ADGRB1: variants seen among roughly 807,000 people sequenced by gnomAD.
ADGRB1 encodes brain-specific angiogenesis inhibitor 1.
A neutral mutation model predicts 175.7 loss-of-function variants in ADGRB1; 36 were observed. That is an observed-to-expected ratio of 0.20 (90% CI 0.16 to 0.27). The LOEUF (loss-of-function observed/expected upper bound fraction) is 0.27, where lower values mean the gene tolerates loss of function less well. Ranked by LOEUF, ADGRB1 falls within the 10% of genes least tolerant of loss-of-function variation. The pLI is 1.00. For synonymous variants in ADGRB1, 1,054 were observed against 979.4 expected (o/e 1.08, Z -1.42); for missense variants, 1,731 against 2,255.3 (o/e 0.77, Z 4.71).
chr8:142,504,741 G>A lies in ADGRB1; in HGVS notation c.2676-6191G>A, dbSNP rs1467695639. On this transcript the variant is annotated intron_variant, in intron 17 of 30. Transcript: ENST00000517894. The surrounding 1 kb of genome is among the most constrained non-coding windows in gnomAD (Gnocchi z 5.6). ...AAGGGGCTTGTACCTAGGGGTGATC[G>A]AGCCGCGTGTTGGTTTAAGGGGCAC... Among the ~76,000 whole-genome samples, 2 of 152,020 alleles carry A rather than the reference G, an allele frequency of 1.3e-5. No individual in the cohort carries two copies. The highest frequency in any genetic ancestry group is 2.4e-5 in the African/African-American group (1 of 41,366).
chr8:142,460,182 C>T (rs920287078), intron 1 of ADGRB1, among the ~76,000 whole-genome samples: 30 of 152,322 alleles, frequency 2.0e-4, no homozygotes, highest in African/African-American at 5.5e-4. Context: ...GGGGTGGCCC[C>T]GTTGGAGGGT....
rs1843029424 is a variant in ADGRB1, at chr8:142,510,472, G to A, written c.2676-460G>A. 1.3e-5 allele frequency among the ~76,000 whole-genome samples: 2 copies of A among 151,490 alleles called. No homozygotes were observed. Among genetic ancestry groups the A allele is most frequent in the South Asian group, 4.2e-4 (2 of 4,778 alleles). On this transcript the variant is annotated intron_variant, in intron 17 of 30. Transcript: ENST00000517894. The surrounding 1 kb of genome is among the most constrained non-coding windows in gnomAD (Gnocchi z 6.3). ...CGGACCCTCGCCGCGCTCCGAACCC[G>A]CCCCGCGCCCCCAGGCCACACCCGG...
intron 9 of ADGRB1, 59 bp from the exon 10 acceptor site, chr8:142,481,195 G>A: frequency 6.6e-7 from 1 of 1,517,756 alleles, no homozygotes; most frequent in Non-Finnish European, 9.1e-7. Context: ...CAGGGGCCAA[G>A]GGTGGGATTC....
chr8:142,533,327 C>A lies in ADGRB1; in HGVS notation c.3431C>A (p.Pro1144Gln). The A allele has an allele frequency of 6.4e-7, 1 of 1,573,430 alleles. No homozygotes were observed. The highest frequency in any genetic ancestry group is 2.3e-5 in the East Asian group (1 of 43,242). ...ASLWSSCVVL[P>Q]LLALTWMSAV... ...CTGTGGAGCTCCTGCGTGGTGCTGC[C>A]GCTGCTGGCGCTGACCTGGATGTCG... is the stretch of plus-strand genomic sequence containing the variant. The change falls in exon 25 of 31, where the codon CCG becomes CAG. Residue 1144 changes from proline to glutamine, a missense_variant. Around this residue, in one of 8 missense-constraint regions of ADGRB1, gnomAD observed 301 missense variants for 488.4 expected, o/e 0.62. Coordinates refer to ENST00000517894, the MANE Select transcript of ADGRB1 (RefSeq NM_001702.3).
At chr8:142,471,129 G>C (rs1489679420) in intron 2 of ADGRB1, among the ~76,000 whole-genome samples, 3 of 152,268 alleles carry the variant, frequency 2.0e-5, no homozygotes, top group Middle Eastern at 3.4e-3. Context: ...CACTCTTTTT[G>C]CACAAGGGCC....
Position 142,510,476 on chromosome 8 carries a change from CG to C in ADGRB1, c.2676-455del, listed in dbSNP as rs1332349169. On this transcript the variant is annotated intron_variant, in intron 17 of 30. Coordinates refer to ENST00000517894, the MANE Select transcript of ADGRB1 (RefSeq NM_001702.3). The surrounding 1 kb of genome is among the most constrained non-coding windows in gnomAD (Gnocchi z 6.3). The stretch of plus-strand genomic sequence containing the variant: ...CCCTCGCCGCGCTCCGAACCCGCCC[CG>C]CGCCCCCAGGCCACACCCGGCTCGC... Among the ~76,000 whole-genome samples the C allele has an allele frequency of 1.5e-4, 23 of 151,500 alleles. No individual in the cohort carries two copies. The highest frequency in any genetic ancestry group is 1.4e-3 in the Admixed American group (22 of 15,246).
At position 142,524,140 on chromosome 8, in the gene ADGRB1, G is replaced by A. The variant is rs565076750; in HGVS notation, c.3246-98G>A. ...GCTTAATAAGTGCCAGTTTTCTTCT[G>A]CCACTTCCCAGCTCACCCCTACTCC... On this transcript the variant is annotated intron_variant, in intron 22 of 30. Transcript: ENST00000517894. 89 of 1,354,658 alleles carry A rather than the reference G, an allele frequency of 6.6e-5. No individual in the cohort carries two copies. The African/African-American group carries it at 1.2e-3, about 19-fold the overall frequency. 83.9% of individuals were successfully genotyped at this position (1,354,658 alleles called of 1,614,324 possible).
intron 17 of ADGRB1, among the ~76,000 whole-genome samples, chr8:142,501,672 T>G (rs1259502769): frequency 0.016 from 458 of 29,074 alleles, no homozygotes; most frequent in Middle Eastern, 0.045. Context: ...GGTAGTGATG[T>G]TTGTGTGGTT....
intron 1 of ADGRB1, 51 bp from the exon 2 acceptor site, chr8:142,463,929 G>C (rs900741130): frequency 3.1e-6 from 1 of 319,572 alleles, no homozygotes; most frequent in African/African-American, 2.2e-5. Flanking sequence ...CATGCCCAGA[G>C]CCCACGTCTC....
Position 142,544,478 on chromosome 8 carries a change from G to C in ADGRB1, c.*61G>C, listed in dbSNP as rs1299295144. 7.1e-7 allele frequency: 1 copy of C among 1,412,980 alleles called. No individual in the cohort carries two copies. The highest frequency in any genetic ancestry group is 2.7e-5 in the East Asian group (1 of 36,762). 87.5% of individuals were successfully genotyped at this position (1,412,980 alleles called of 1,614,324 possible). ...GAGGGATGCTGCTCCGCCCGCTCCT[G>C]CCGCAGACGGGCACAGACACGCTCG... is the stretch of plus-strand genomic sequence containing the variant. On this transcript the variant is annotated 3_prime_UTR_variant, in exon 31 of 31. Transcript: ENST00000517894.
At chr8:142,538,233 C>T (rs779648837) in intron 26 of ADGRB1, among the ~76,000 whole-genome samples, 5 of 152,194 alleles carry the variant, frequency 3.3e-5, no homozygotes, top group Non-Finnish European at 5.9e-5. Flanking sequence ...GGCTGGTGCG[C>T]GGGAGGTGCT....
intron 17 of ADGRB1, among the ~76,000 whole-genome samples, chr8:142,496,935 G>T (rs1036018280): frequency 1.3e-5 from 2 of 152,188 alleles, no homozygotes; most frequent in Non-Finnish European, 2.9e-5. Flanking sequence ...AACTTTGCTG[G>T]CTCTCAGAAC....
rs1376594391 is a variant in ADGRB1 at position 142,542,654 on chromosome 8, G to A, written c.4413+7G>A. On this transcript the variant is annotated splice_region_variant and intron_variant, in intron 28 of 30. Transcript: ENST00000517894. The surrounding 1 kb of genome is among the most constrained non-coding windows in gnomAD (Gnocchi z 6.3). ...GTCTGTGAGCTCCCTGGAGGTGAGG[G>A]GGGCAGGGGTGGGCCACACCCCAGC... 1.9e-6 allele frequency: 3 copies of A among 1,542,176 alleles called. No homozygotes were observed. The highest frequency in any genetic ancestry group is 2.6e-6 in the Non-Finnish European group (3 of 1,143,838).
At chr8:142,489,782 G>A (rs1349533075) in intron 16 of ADGRB1, among the ~76,000 whole-genome samples, 1 of 152,162 alleles carries the variant, frequency 6.6e-6, no homozygotes, top group Non-Finnish European at 1.5e-5. Context: ...CCACCAAGAA[G>A]CTGGGGGTGT....
intron 11 of ADGRB1, among the ~76,000 whole-genome samples, chr8:142,482,041 G>GGCTGAGCCCTGGCCCTGGTCACAT (rs1841368960): frequency 7.5e-6 from 1 of 133,488 alleles, no homozygotes; most frequent in African/African-American, 2.8e-5. Flanking sequence ...CCTGATCATA[G>GGCTGAGCCCTGGCCCTGGTCACAT]GCTGAGCCCT....
intron 13 of ADGRB1, among the ~76,000 whole-genome samples, chr8:142,485,786 C>A (rs1371450890): frequency 1.3e-5 from 2 of 152,212 alleles, no homozygotes; most frequent in East Asian, 3.8e-4. Context: ...TGCTTCATAA[C>A]CCTGTCTCAG....
chr8:142,528,158 C>T (rs376096953), intron 24 of ADGRB1, among the ~76,000 whole-genome samples: 1 of 152,256 alleles, frequency 6.6e-6, no homozygotes, highest in African/African-American at 2.4e-5. Context: ...CGTGGGCATA[C>T]ACATGCCACG....
At chr8:142,462,666 G>A (rs1036866556) in intron 1 of ADGRB1, among the ~76,000 whole-genome samples, 6 of 152,256 alleles carry the variant, frequency 3.9e-5, no homozygotes, top group Admixed American at 3.9e-4. Context: ...GGCAAGTCCC[G>A]TGGGCGGGCG....
chr8:142,479,064 G>A, intron 7 of ADGRB1: 2 of 412,142 alleles, frequency 4.9e-6, no homozygotes, highest in South Asian at 6.8e-5. Flanking sequence ...GGGTAGTAGG[G>A]TGCACAGTGA....
Sources: gnomAD v4.1 joint callset for allele counts (sites outside exome capture counted in the v4.1 genomes callset) on GRCh38, gnomAD v4.1.1 for gene constraint, gnomAD v4.1.1 regional missense constraint, Gnocchi (gnomAD v3.1) non-coding constraint, MANE v1.5 for transcripts, NCBI Gene and HGNC (gene_info 2026-07-23, HGNC 2026-07-21) for gene names.